The following FBXL7 variants were observed in gnomAD, a reference collection of about 807,000 sequenced individuals.
FBXL7 encodes F-box/LRR-repeat protein 7.
In FBXL7, 12 loss-of-function variants were observed where a neutral mutation model predicts 38.3. That is an observed-to-expected ratio of 0.31 (90% CI 0.20 to 0.51). The LOEUF is 0.51. FBXL7 is among the 20% of genes least tolerant of loss of function. The pLI, the probability that FBXL7 is intolerant of heterozygous loss-of-function variation, is 0.98. For synonymous variants in FBXL7, 297 were observed against 300.9 expected (o/e 0.99, Z 0.13); for missense variants, 567 against 676.4 (o/e 0.84, Z 1.79).
At chr5:15,812,529 T>C (rs1243268257) in intron 2 of FBXL7, among the ~76,000 whole-genome samples, 1 of 152,082 alleles carries the variant, frequency 6.6e-6, no homozygotes, top group Non-Finnish European at 1.5e-5. Context: ...TAAAAATTAC[T>C]GTAGCCTTGT....
chr5:15,746,977 T>TAAA (rs772517952), intron 2 of FBXL7, among the ~76,000 whole-genome samples: 40 of 152,324 alleles, frequency 2.6e-4, no homozygotes, highest in Middle Eastern at 3.4e-3. Context: ...TTCCTGTACT[T>TAAA]ATCTTGCTAT....
rs147306077 is a variant in FBXL7 at position 15,740,866 on chromosome 5, G to A, written c.127+124794G>A. Among the ~76,000 whole-genome samples, 52 of 152,294 alleles carry A rather than the reference G, an allele frequency of 3.4e-4. 1 individual carries two copies. Among genetic ancestry groups the A allele is most frequent in the African/African-American group, 1.2e-3 (51 of 41,558 alleles). On this transcript the variant is annotated intron_variant, in intron 2 of 3. Coordinates refer to ENST00000504595, the MANE Select transcript of FBXL7 (RefSeq NM_012304.5). ...ACAGTTGTCAGAGGTGGTCACAGAT[G>A]TATCCAAATTCCCTAATTGTTTAAA...
At chr5:15,606,799 T>A (rs2126502900) in intron 1 of FBXL7, 1 of 152,222 alleles carries the variant, frequency 6.6e-6, no homozygotes, top group Non-Finnish European at 1.5e-5. Context: ...CACAAGAAAA[T>A]GAAACAGAGT....
At chr5:15,806,209 A>G (rs992462120) in intron 2 of FBXL7, among the ~76,000 whole-genome samples, 2 of 152,224 alleles carry the variant, frequency 1.3e-5, no homozygotes, top group African/African-American at 4.8e-5. Flanking sequence ...GAGGTTATAC[A>G]AGCCAGTTGT....
At chr5:15,799,914 A>G (rs1449752329) in intron 2 of FBXL7, among the ~76,000 whole-genome samples, 1 of 141,210 alleles carries the variant, frequency 7.1e-6, no homozygotes, top group African/African-American at 2.6e-5. Flanking sequence ...GAAAATGTGT[A>G]CTGTCATAAA....
At chr5:15,784,948 A>G (rs940809148) in intron 2 of FBXL7, among the ~76,000 whole-genome samples, 2 of 152,170 alleles carry the variant, frequency 1.3e-5, no homozygotes, top group African/African-American at 4.8e-5. Context: ...ATGTGTTCAT[A>G]TGTCACTGCC....
At chr5:15,756,698 A>T (rs767142962) in intron 2 of FBXL7, among the ~76,000 whole-genome samples, 7 of 152,206 alleles carry the variant, frequency 4.6e-5, no homozygotes, top group Non-Finnish European at 7.3e-5. Context: ...ACAAGTGTGA[A>T]TGGCTCATTT....
rs774533739 is a variant in FBXL7, at chr5:15,936,877, C to G, written c.1167C>G (p.Ile389Met). 1.2e-6 allele frequency: 2 copies of G among 1,613,998 alleles called. No individual in the cohort carries two copies. The highest frequency in any genetic ancestry group is 1.7e-6 in the Non-Finnish European group (2 of 1,179,874). Reference sequence around the variant, plus strand: ...TCAACGCGAGGGGCTGCGAGGGCATCACGGACCACGGTGTGGAGTACCTCG... The same window carrying G: ...TCAACGCGAGGGGCTGCGAGGGCATGACGGACCACGGTGTGGAGTACCTCG... ...RYLNARGCEG[I>M]TDHGVEYLAK... The change falls in exon 4 of 4, where the codon ATC (isoleucine) becomes ATG (methionine). Residue 389 changes from isoleucine (I) to methionine (M), a missense_variant. Physicochemically the swap from Ile to Met is conservative, Grantham distance 10. Transcript: ENST00000504595. This position sits in a 1 kb window ranked among gnomAD's most constrained non-coding sequence, Gnocchi z 6.0.
At chr5:15,570,140 G>A (rs1395386099) in intron 1 of FBXL7, among the ~76,000 whole-genome samples, 1 of 152,102 alleles carries the variant, frequency 6.6e-6, no homozygotes, top group Non-Finnish European at 1.5e-5. Context: ...TTTTTCTATT[G>A]ACTGGAATAG....
At chr5:15,755,936 C>T (rs560372273) in intron 2 of FBXL7, among the ~76,000 whole-genome samples, 1 of 152,196 alleles carries the variant, frequency 6.6e-6, no homozygotes, top group Non-Finnish European at 1.5e-5. Context: ...GAGGAGAAGT[C>T]AGAGAGAGAA....
At chr5:15,875,935 A>C (rs1184203473) in intron 2 of FBXL7, among the ~76,000 whole-genome samples, 1 of 152,240 alleles carries the variant, frequency 6.6e-6, no homozygotes, top group Admixed American at 6.5e-5. Context: ...TCATTCTACT[A>C]TAAAGACACA....
At chr5:15,860,393 G>A (rs1416383819) in intron 2 of FBXL7, among the ~76,000 whole-genome samples, 1 of 152,082 alleles carries the variant, frequency 6.6e-6, no homozygotes, top group African/African-American at 2.4e-5. Context: ...TGTCCTGCTT[G>A]ATTTATTTTA....
At chr5:15,829,577 T>A (rs760860442) in intron 2 of FBXL7, among the ~76,000 whole-genome samples, 6 of 152,092 alleles carry the variant, frequency 3.9e-5, no homozygotes, top group African/African-American at 7.2e-5. Flanking sequence ...ATGTTGGGAG[T>A]TCCAAGTAAC....
chr5:15,554,224 AT>A (rs900090584), intron 1 of FBXL7, among the ~76,000 whole-genome samples: 1 of 152,058 alleles, frequency 6.6e-6, no homozygotes, highest in Admixed American at 6.5e-5. Flanking sequence ...CCTGAGGCAT[AT>A]TCTGTCTCAA....
chr5:15,539,380 T>A (rs1339867987), intron 1 of FBXL7, among the ~76,000 whole-genome samples: 1 of 152,202 alleles, frequency 6.6e-6, no homozygotes, highest in African/African-American at 2.4e-5. Context: ...CTGGAAAATC[T>A]TAGATTTCAC....
At chr5:15,729,362 T>C (rs892039135) in intron 2 of FBXL7, among the ~76,000 whole-genome samples, 2 of 152,152 alleles carry the variant, frequency 1.3e-5, no homozygotes, top group South Asian at 2.1e-4. Flanking sequence ...TGACTTCTAA[T>C]AGTCTTTTGA....
chr5:15,603,239 T>C (rs1580397797), intron 1 of FBXL7, among the ~76,000 whole-genome samples: 4 of 152,328 alleles, frequency 2.6e-5, no homozygotes, highest in Admixed American at 2.6e-4. Context: ...CCGTAATCCT[T>C]TGCATACAAT....
chr5:15,815,173 TTC>T (rs1737981467), intron 2 of FBXL7, among the ~76,000 whole-genome samples: 1 of 152,212 alleles, frequency 6.6e-6, no homozygotes, highest in Non-Finnish European at 1.5e-5. Flanking sequence ...ATTGGAATAT[TTC>T]TCTTTCTCTG....
intron 2 of FBXL7, among the ~76,000 whole-genome samples, chr5:15,671,432 G>A (rs1431060631): frequency 2.7e-5 from 4 of 150,110 alleles, no homozygotes; most frequent in East Asian, 2.0e-4. Context: ...CTTATGCTAG[G>A]TGAGTTAAAC....
Sources: allele counts gnomAD v4.1 joint callset (sites outside exome capture counted in the v4.1 genomes callset), GRCh38; gene constraint gnomAD v4.1.1; non-coding constraint Gnocchi (gnomAD v3.1); transcripts MANE v1.5; gene names NCBI Gene and HGNC (gene_info 2026-07-23, HGNC 2026-07-21).